BAHCC1: variants seen among roughly 807,000 people sequenced by gnomAD.
BAHCC1 encodes the protein BAH and coiled-coil domain-containing protein 1.
A neutral mutation model predicts 88.2 loss-of-function variants in BAHCC1; 43 were observed. The ratio of observed to expected loss-of-function variants is 0.49; its 90% confidence interval spans 0.38 to 0.63. The LOEUF (loss-of-function observed/expected upper bound fraction) is 0.63, where lower values mean the gene tolerates loss of function less well. Ranked by LOEUF, BAHCC1 falls within the 20% of genes least tolerant of loss-of-function variation. The pLI is 0.00. For missense variants in BAHCC1, 3,023 were observed against 1,654.8 expected, an observed-to-expected ratio of 1.83 and a Z score of -14.34; for synonymous variants, 1,510 against 745.5, an observed-to-expected ratio of 2.03 and a Z score of -16.71.
intron 2 of BAHCC1, among the ~76,000 whole-genome samples, chr17:81,419,049 G>A (rs868991174): frequency 3.3e-5 from 5 of 152,266 alleles, no homozygotes; most frequent in African/African-American, 4.8e-5. Flanking sequence ...ATTGCAGCCA[G>A]GGTGGGGGAA....
At chr17:81,427,333 C>T (rs1157328136) in intron 3 of BAHCC1, among the ~76,000 whole-genome samples, 1 of 152,182 alleles carries the variant, frequency 6.6e-6, no homozygotes, top group Non-Finnish European at 1.5e-5. Flanking sequence ...TGCCCCACCT[C>T]CCCAGACGCT....
At chr17:81,396,214 G>C (rs879951901) in intron 1 of BAHCC1, 1 of 152,318 alleles carries the variant, frequency 6.6e-6, no homozygotes, top group Non-Finnish European at 1.5e-5. Context: ...GGGCCTTCCG[G>C]GCCGAAGCTA....
At chr17:81,439,491 G>A (rs1350264596) in intron 4 of BAHCC1, among the ~76,000 whole-genome samples, 1 of 151,920 alleles carries the variant, frequency 6.6e-6, no homozygotes, top group Non-Finnish European at 1.5e-5. Context: ...CTGCTTCAGT[G>A]CAGAGGGGCT....
chr17:81,419,361 T>C (rs964397159), intron 2 of BAHCC1, among the ~76,000 whole-genome samples: 2 of 152,232 alleles, frequency 1.3e-5, no homozygotes, highest in Admixed American at 1.3e-4. Flanking sequence ...CAGGAACCTG[T>C]GCAGGGCGGC....
intron 2 of BAHCC1, among the ~76,000 whole-genome samples, chr17:81,414,728 C>T (rs1476540414): frequency 1.3e-5 from 2 of 152,210 alleles, no homozygotes; most frequent in African/African-American, 4.8e-5. Context: ...GACCGAGGTT[C>T]CCCGGGGTTC....
chr17:81,419,347 C>T (rs1555649281), intron 2 of BAHCC1, among the ~76,000 whole-genome samples: 1 of 152,282 alleles, frequency 6.6e-6, no homozygotes, highest in Non-Finnish European at 1.5e-5. Context: ...CCTCTGCATC[C>T]ACGCAGGAAC....
chr17:81,459,705 A>C, intron 23 of BAHCC1, 101 bp downstream of exon 23: 1 of 575,750 alleles, frequency 1.7e-6, no homozygotes, highest in Non-Finnish European at 3.4e-6. Flanking sequence ...CGAGGGCAGA[A>C]CCAGCTCTCT....
At chr17:81,439,149 C>T (rs1431925774) in intron 4 of BAHCC1, among the ~76,000 whole-genome samples, 2 of 152,172 alleles carry the variant, frequency 1.3e-5, no homozygotes, top group Non-Finnish European at 2.9e-5. Flanking sequence ...CGAGTCCCCT[C>T]AGGGTACCGG....
intron 2 of BAHCC1, among the ~76,000 whole-genome samples, chr17:81,423,879 G>A (rs782282227): frequency 7.2e-5 from 11 of 152,208 alleles, no homozygotes; most frequent in East Asian, 1.9e-4. Flanking sequence ...TGGGCTGGGC[G>A]GGGCCTGGGG....
intron 2 of BAHCC1, chr17:81,401,048 C>T (rs1045449376): frequency 3.4e-4 from 52 of 152,228 alleles, no homozygotes; most frequent in African/African-American, 1.2e-3. Context: ...TTATTGGTAG[C>T]TTGATGAACT....
chr17:81,420,737 A>G (rs1769592229), intron 2 of BAHCC1, among the ~76,000 whole-genome samples: 1 of 152,200 alleles, frequency 6.6e-6, no homozygotes, highest in Admixed American at 6.5e-5. Flanking sequence ...GGGGCAGCCA[A>G]CTGGAGGCCA....
chr17:81,401,553 A>C (rs1406229009), intron 2 of BAHCC1: 1 of 152,570 alleles, frequency 6.6e-6, no homozygotes, highest in African/African-American at 2.4e-5. Flanking sequence ...GCTCAGGTGC[A>C]CGGGGCGCTG....
chr17:81,410,605 C>G (rs571403373), intron 2 of BAHCC1, among the ~76,000 whole-genome samples: 257 of 150,726 alleles, frequency 1.7e-3, no homozygotes, highest in African/African-American at 5.6e-3. Context: ...ACCACGGGTC[C>G]TGGCACCACG....
At chr17:81,419,478 TGGCTCGTG>T (rs1328864929) in intron 2 of BAHCC1, among the ~76,000 whole-genome samples, 2 of 152,252 alleles carry the variant, frequency 1.3e-5, no homozygotes, top group Non-Finnish European at 2.9e-5. Flanking sequence ...CTTGGGAGCC[TGGCTCGTG>T]GGAAGTGTGC....
intron 2 of BAHCC1, among the ~76,000 whole-genome samples, chr17:81,412,643 G>A (rs1555648017): frequency 6.6e-6 from 1 of 152,162 alleles, no homozygotes; most frequent in Non-Finnish European, 1.5e-5. Context: ...CTCCCTCCTG[G>A]CCCTTCCCGT....
rs1555654601 is a variant in BAHCC1, at chr17:81,447,072, T to TA, written c.3200_3201insA (p.Phe1069LeufsTer11). ...GGATACCTGCGCCCCATGGCTGGCC[T>TA]GGGCTTCTCCCTACCCTCAGACGTG... is the stretch of plus-strand genomic sequence containing the variant. On this transcript the variant is annotated frameshift_variant, in exon 11 of 28. Transcript: ENST00000675386. LOFTEE classifies it high-confidence loss of function. 1 of 779,390 alleles carries TA rather than the reference T, an allele frequency of 1.3e-6. No individual in the cohort carries two copies. Among genetic ancestry groups the TA allele is most frequent in the Non-Finnish European group, 2.4e-6 (1 of 417,936 alleles). 48.3% of individuals were successfully genotyped at this position (779,390 alleles called of 1,614,324 possible).
chr17:81,432,935 G>A (rs1273811904), intron 3 of BAHCC1, among the ~76,000 whole-genome samples: 1 of 109,216 alleles, frequency 9.2e-6, no homozygotes, highest in African/African-American at 3.7e-5. Context: ...GGAAGGCTGC[G>A]CTCCTCCCTG....
chr17:81,427,208 T>C (rs2064210578), intron 3 of BAHCC1, among the ~76,000 whole-genome samples: 1 of 152,058 alleles, frequency 6.6e-6, no homozygotes, highest in African/African-American at 2.4e-5. Context: ...TGGCCAGATG[T>C]GTGCTCCAGA....
intron 2 of BAHCC1, chr17:81,410,178 C>A (rs565336576): frequency 9.2e-6 from 2 of 217,262 alleles, no homozygotes; most frequent in South Asian, 8.0e-5. Flanking sequence ...GTCCTAGGAG[C>A]CTGCACGAGC....
Sources: gnomAD v4.1 joint callset for allele counts (sites outside exome capture counted in the v4.1 genomes callset) on GRCh38, gnomAD v4.1.1 for gene constraint, MANE v1.5 for transcripts, NCBI Gene and HGNC (gene_info 2026-07-23, HGNC 2026-07-21) for gene names.